The following AKR1C8 variants were observed in gnomAD, a reference collection of about 807,000 sequenced individuals.
AKR1C8 encodes aldo-keto reductase family 1 member C8.
the AKR1C8 span, chr10:5,155,652 G>A: frequency 2.2e-6 from 1 of 460,874 alleles, no homozygotes; most frequent in South Asian, 1.6e-5. Flanking sequence ...CAGCCTGTGA[G>A]AGAATCTACA....
the AKR1C8 span, among the ~76,000 whole-genome samples, chr10:5,158,862 T>C: frequency 6.6e-6 from 1 of 152,260 alleles, no homozygotes; most frequent in Non-Finnish European, 1.5e-5. Flanking sequence ...TCTGAAGCAC[T>C]TTCAAATCCC....
the AKR1C8 span, chr10:5,122,225 A>G: frequency 3.3e-6 from 1 of 299,824 alleles, no homozygotes; most frequent in South Asian, 3.2e-5. Context: ...TCTACCTGGG[A>G]ATCCAAGGAC....
the AKR1C8 span, among the ~76,000 whole-genome samples, chr10:5,170,105 G>A: frequency 6.6e-6 from 1 of 152,058 alleles, no homozygotes; most frequent in Non-Finnish European, 1.5e-5. Context: ...GTTATTAGTT[G>A]TTGGCACCAG....
chr10:5,177,201 T>A, the AKR1C8 span, among the ~76,000 whole-genome samples: 1 of 152,048 alleles, frequency 6.6e-6, no homozygotes, highest in Non-Finnish European at 1.5e-5. Flanking sequence ...CTGTTGAATT[T>A]TGTCAAAGGC....
the AKR1C8 span, chr10:5,158,601 A>T: frequency 2.1e-6 from 1 of 474,658 alleles, no homozygotes; most frequent in East Asian, 6.7e-5. Context: ...TCTTATTACC[A>T]CTGTGGGTCT....
At chr10:5,134,162 C>T in the AKR1C8 span, among the ~76,000 whole-genome samples, 6 of 152,084 alleles carry the variant, frequency 3.9e-5, no homozygotes, top group Non-Finnish European at 8.8e-5. Context: ...CACTGCCTTC[C>T]CCTGATACCA....
At chr10:5,167,088 C>T in the AKR1C8 span, among the ~76,000 whole-genome samples, 13 of 152,132 alleles carry the variant, frequency 8.5e-5, no homozygotes, top group African/African-American at 2.9e-4. Flanking sequence ...AATGAGATAC[C>T]ATCTCACACC....
the AKR1C8 span, among the ~76,000 whole-genome samples, chr10:5,168,256 G>A: frequency 1.3e-5 from 2 of 151,956 alleles, no homozygotes; most frequent in Admixed American, 1.3e-4. Context: ...CCTCTTAACA[G>A]TTGTATCAGA....
At chr10:5,118,564 T>C in the AKR1C8 span, among the ~76,000 whole-genome samples, 2 of 152,198 alleles carry the variant, frequency 1.3e-5, no homozygotes, top group Non-Finnish European at 2.9e-5. Flanking sequence ...CTGGTTCCTA[T>C]GACCTACCTT....
chr10:5,148,914 T>C, the AKR1C8 span, among the ~76,000 whole-genome samples: 7 of 151,736 alleles, frequency 4.6e-5, no homozygotes, highest in African/African-American at 7.3e-5. Context: ...TCTTGCGTCC[T>C]GTGGAAGAAA....
chr10:5,165,685 T>C, the AKR1C8 span, among the ~76,000 whole-genome samples: 1 of 152,110 alleles, frequency 6.6e-6, no homozygotes, highest in Non-Finnish European at 1.5e-5. Context: ...TACTTTATGT[T>C]TAATAGTCAA....
chr10:5,138,715 C>T, the AKR1C8 span, among the ~76,000 whole-genome samples: 1 of 152,082 alleles, frequency 6.6e-6, no homozygotes, highest in Non-Finnish European at 1.5e-5. Context: ...TGCCACAGCT[C>T]CAGTCGGTCC....
the AKR1C8 span, among the ~76,000 whole-genome samples, chr10:5,143,289 C>G: frequency 1.6e-4 from 25 of 152,272 alleles, no homozygotes; most frequent in African/African-American, 6.0e-4. Context: ...ATCAGAACTC[C>G]AAGCCTTCTG....
chr10:5,149,793 T>C, the AKR1C8 span, among the ~76,000 whole-genome samples: 3 of 152,168 alleles, frequency 2.0e-5, no homozygotes, highest in Non-Finnish European at 2.9e-5. Flanking sequence ...ATTAAACTTA[T>C]GTGAATAACT....
the AKR1C8 span, among the ~76,000 whole-genome samples, chr10:5,136,482 G>A: frequency 6.6e-6 from 1 of 152,070 alleles, no homozygotes; most frequent in South Asian, 2.1e-4. Flanking sequence ...GGGAGGCAGA[G>A]GCTACAGTGA....
the AKR1C8 span, chr10:5,161,613 G>A: frequency 6.0e-6 from 3 of 502,444 alleles, no homozygotes; most frequent in Non-Finnish European, 1.2e-5. Context: ...TAGGGTAGAG[G>A]AAGTGAGATC....
the AKR1C8 span, among the ~76,000 whole-genome samples, chr10:5,152,861 GC>G: frequency 6.6e-6 from 1 of 152,064 alleles, no homozygotes; most frequent in Non-Finnish European, 1.5e-5. Context: ...TGATTTTAAT[GC>G]GGGGAGATAT....
At chr10:5,155,164 C>T in the AKR1C8 span, 1 of 152,112 alleles carries the variant, frequency 6.6e-6, no homozygotes, top group African/African-American at 2.4e-5. Context: ...ATTAAGGCTT[C>T]CCTAGGAGAC....
At chr10:5,176,667 G>A in the AKR1C8 span, among the ~76,000 whole-genome samples, 3 of 152,076 alleles carry the variant, frequency 2.0e-5, no homozygotes, top group Non-Finnish European at 2.9e-5. Flanking sequence ...GCAGTGGTTT[G>A]TAGTTCTCCT....
Sources: allele counts gnomAD v4.1 joint callset (sites outside exome capture counted in the v4.1 genomes callset), GRCh38; gene constraint gnomAD v4.1.1; transcripts MANE v1.5; gene names NCBI Gene and HGNC (gene_info 2026-07-23, HGNC 2026-07-21).